SH3D19: variants seen among roughly 807,000 people sequenced by gnomAD.
The protein encoded by SH3D19 is SH3 domain-containing protein 19.
In SH3D19, 58 loss-of-function variants were observed where a neutral mutation model predicts 112.1. The observed-to-expected ratio is 0.52, with a 90% CI of 0.42 to 0.64. The LOEUF (loss-of-function observed/expected upper bound fraction) is 0.64. SH3D19 is among the 30% of genes least tolerant of loss of function. SH3D19 has a pLI of 0.00. For synonymous variants in SH3D19, 391 were observed against 448.5 expected, an observed-to-expected ratio of 0.87 and a Z score of 1.62; for missense variants, 1,090 against 1,263.4, an observed-to-expected ratio of 0.86 and a Z score of 2.08.
intron 1 of SH3D19, among the ~76,000 whole-genome samples, chr4:151,256,590 T>A (rs1771938576): frequency 6.6e-6 from 1 of 152,156 alleles, no homozygotes; most frequent in African/African-American, 2.4e-5. Context: ...GCATATTATG[T>A]TAACCAATGT....
chr4:151,174,911 T>C lies in SH3D19; in HGVS notation c.1293A>G (p.Ser431=). The C allele has an allele frequency of 6.2e-7, 1 of 1,613,518 alleles. No individual in the cohort carries two copies. The highest frequency in any genetic ancestry group is 8.5e-7 in the Non-Finnish European group (1 of 1,179,622). Residue 431 remains serine (S), a synonymous_variant, in exon 7 of 20, where the codon TCA becomes TCG. Coordinates refer to ENST00000604030, the MANE Select transcript of SH3D19 (RefSeq NM_001378122.1). ...RPLLLKKSVS[S]ENPTYPSAPL... ...GAGCTGAAGGGTAGGTGGGGTTTTC[T>C]GAGGAAACAGATTTCTTCAGCAGCA...
chr4:151,191,237 C>T (rs139722108), intron 2 of SH3D19, among the ~76,000 whole-genome samples: 63 of 152,232 alleles, frequency 4.1e-4, no homozygotes, highest in African/African-American at 1.3e-3. Flanking sequence ...GGTTCATAGG[C>T]GGAAGGGACA....
At chr4:151,276,726 G>A (rs1773658319) in intron 1 of SH3D19, among the ~76,000 whole-genome samples, 1 of 152,204 alleles carries the variant, frequency 6.6e-6, no homozygotes, top group Non-Finnish European at 1.5e-5. Context: ...GACTTGCAGT[G>A]CAGCTAACAC....
At chr4:151,277,538 G>A (rs887910463) in intron 1 of SH3D19, among the ~76,000 whole-genome samples, 1 of 152,144 alleles carries the variant, frequency 6.6e-6, no homozygotes, top group African/African-American at 2.4e-5. Flanking sequence ...AAGTACAGGG[G>A]CAGGAGTGTT....
chr4:151,308,260 C>T (rs1045662586), intron 1 of SH3D19, among the ~76,000 whole-genome samples: 6 of 152,220 alleles, frequency 3.9e-5, no homozygotes, highest in Non-Finnish European at 7.3e-5. Flanking sequence ...ATGTACTGAG[C>T]ACATGTGTCA....
intron 6 of SH3D19, among the ~76,000 whole-genome samples, chr4:151,176,079 C>T (rs184604055): frequency 6.6e-6 from 1 of 152,152 alleles, no homozygotes; most frequent in Admixed American, 6.5e-5. Flanking sequence ...ACCATGTTGC[C>T]CAGGCTGGTC....
chr4:151,251,489 T>C (rs755328317), intron 1 of SH3D19, among the ~76,000 whole-genome samples: 3 of 152,182 alleles, frequency 2.0e-5, no homozygotes, highest in Non-Finnish European at 4.4e-5. Context: ...TGTGAGCCAC[T>C]GCACATGGCC....
At chr4:151,306,745 C>T (rs1182122455) in intron 1 of SH3D19, among the ~76,000 whole-genome samples, 3 of 152,154 alleles carry the variant, frequency 2.0e-5, no homozygotes, top group South Asian at 2.1e-4. Flanking sequence ...TAATAGCAAA[C>T]GCGCTGTAAT....
At chr4:151,307,833 T>C (rs572243100) in intron 1 of SH3D19, among the ~76,000 whole-genome samples, 2 of 152,376 alleles carry the variant, frequency 1.3e-5, no homozygotes, top group South Asian at 2.1e-4. Flanking sequence ...CCTTCCAACC[T>C]TGTGTACATA....
At chr4:151,125,062 T>TCTTG (rs1748892876) in intron 19 of SH3D19, among the ~76,000 whole-genome samples, 1 of 152,106 alleles carries the variant, frequency 6.6e-6, no homozygotes. Context: ...TTTCTTTCTT[T>TCTTG]CTTTCTTTCT....
intron 9 of SH3D19, among the ~76,000 whole-genome samples, chr4:151,154,030 C>T (rs1040288373): frequency 2.6e-5 from 4 of 151,748 alleles, no homozygotes; most frequent in African/African-American, 4.8e-5. Context: ...GGCGCGATCT[C>T]GGCTCACTGC....
chr4:151,185,143 G>A (rs192829993), intron 3 of SH3D19, among the ~76,000 whole-genome samples: 2 of 147,952 alleles, frequency 1.4e-5, no homozygotes, highest in Admixed American at 1.4e-4. Context: ...GGATCCATGG[G>A]AAGTCAGGCA....
intron 1 of SH3D19, among the ~76,000 whole-genome samples, chr4:151,276,198 C>T (rs1773606638): frequency 6.6e-6 from 1 of 152,124 alleles, no homozygotes; most frequent in Non-Finnish European, 1.5e-5. Context: ...TTTTAAGTTG[C>T]AAGAGAGCAG....
rs771271724 is a variant in SH3D19, at chr4:151,175,245, C to T, written c.959G>A (p.Arg320His). The change falls in exon 7 of 20, where the codon CGT becomes CAT. Residue 320 changes from arginine (R) to histidine (H), a missense_variant. Coordinates refer to ENST00000604030, the MANE Select transcript of SH3D19 (RefSeq NM_001378122.1). Reference protein sequence around the residue: ...GLPKKPEITPRSLPPKPTVSS... With the variant: ...GLPKKPEITPHSLPPKPTVSS... ...AACAGTAGGCTTTGGAGGAAGTGAA[C>T]GTGGAGTAATTTCTGGTTTCTTGGG... 58 of 1,614,010 alleles carry T rather than the reference C, an allele frequency of 3.6e-5. No homozygotes were observed. In the Admixed American group the frequency reaches 7.0e-4, roughly 19 times the overall value.
Position 151,132,314 on chromosome 4 carries a change from C to T in SH3D19, c.2742+17G>A. On this transcript the variant is annotated intron_variant, in intron 17 of 19. Coordinates refer to ENST00000604030, the MANE Select transcript of SH3D19 (RefSeq NM_001378122.1). ...TGAACCTGGCTGTCACTATAGTCAT[C>T]TGTTCAAGCAGCCTACCTGAGAGTT... The T allele has an allele frequency of 1.2e-6, 2 of 1,612,494 alleles. No homozygotes were observed. The highest frequency in any genetic ancestry group is 1.7e-6 in the Non-Finnish European group (2 of 1,178,692).
At chr4:151,187,328 T>G (rs1761957001) in intron 3 of SH3D19, 95 bp downstream of exon 3, 1 of 718,260 alleles carries the variant, frequency 1.4e-6, no homozygotes, top group South Asian at 7.0e-5. Context: ...TTGGGTTCTT[T>G]GTAGATTCGT....
intron 1 of SH3D19, among the ~76,000 whole-genome samples, chr4:151,305,162 C>T (rs1391544219): frequency 6.6e-6 from 1 of 152,104 alleles, no homozygotes; most frequent in East Asian, 1.9e-4. Flanking sequence ...ATCTGATTTC[C>T]AGAGCTGTTA....
intron 2 of SH3D19, among the ~76,000 whole-genome samples, chr4:151,224,340 C>G (rs1352408924): frequency 2.0e-5 from 3 of 152,060 alleles, no homozygotes; most frequent in Non-Finnish European, 1.5e-5. Flanking sequence ...TCTAGAGCTA[C>G]CACTTTTAGC....
At position 151,121,489 on chromosome 4, in the gene SH3D19, T is replaced by A. The variant is rs1276411682; in HGVS notation, c.*602A>T. 6.6e-6 allele frequency: 1 copy of A among 152,542 alleles called. No individual in the cohort carries two copies. The highest frequency in any genetic ancestry group is 6.6e-5 in the Admixed American group (1 of 15,250). 9.4% of individuals were successfully genotyped at this position (152,542 alleles called of 1,614,324 possible). ...CTTCAAATCCTTAGACAAATGGGAA[T>A]CACTTGGTAACATAAAGATTATTTT... is the stretch of plus-strand genomic sequence containing the variant. On this transcript the variant is annotated 3_prime_UTR_variant, in exon 20 of 20. Transcript: ENST00000604030.
Sources: allele counts gnomAD v4.1 joint callset (sites outside exome capture counted in the v4.1 genomes callset), GRCh38; gene constraint gnomAD v4.1.1; transcripts MANE v1.5; gene names NCBI Gene and HGNC (gene_info 2026-07-23, HGNC 2026-07-21).